TGFBR2: variants seen among roughly 807,000 people sequenced by gnomAD.
The protein encoded by TGFBR2 is transforming growth factor beta receptor 2, also known as TGF-beta receptor type-2.
Under a neutral mutation model 49.0 loss-of-function variants are expected in TGFBR2, and 18 were observed. The ratio of observed to expected loss-of-function variants is 0.37; its 90% CI spans 0.25 to 0.54. The LOEUF is 0.54. Ranked by LOEUF, TGFBR2 falls within the 20% of genes least tolerant of loss-of-function variation. The probability of loss-of-function intolerance (pLI) is 0.85; values close to 1 mark genes in which losing one functional copy is unlikely to be tolerated. For synonymous variants in TGFBR2, 282 were observed against 275.9 expected (o/e 1.02, Z -0.22); for missense variants, 525 against 722.6 (o/e 0.73, Z 3.13).
intron 2 of TGFBR2, among the ~76,000 whole-genome samples, chr3:30,647,484 C>A (rs1441166625): frequency 1.3e-5 from 2 of 152,026 alleles, no homozygotes; most frequent in Non-Finnish European, 2.9e-5. Context: ...GTAAAAATAG[C>A]CAGTGTGGAA....
chr3:30,688,632 G>A, intron 6 of TGFBR2, 121 bp downstream of exon 6: 1 of 1,398,908 alleles, frequency 7.1e-7, no homozygotes, highest in Non-Finnish European at 9.8e-7. Flanking sequence ...CTATGGCCCT[G>A]TTAAATTTTG....
chr3:30,690,878 T>C (rs1329673230), intron 6 of TGFBR2, among the ~76,000 whole-genome samples: 3 of 152,202 alleles, frequency 2.0e-5, no homozygotes, highest in South Asian at 2.1e-4. Context: ...ATGTAAACTA[T>C]GAATTTGATT....
intron 1 of TGFBR2, among the ~76,000 whole-genome samples, chr3:30,608,777 C>T (rs1456254720): frequency 2.6e-5 from 4 of 152,178 alleles, no homozygotes; most frequent in Non-Finnish European, 5.9e-5. Flanking sequence ...TCGTTCTTGG[C>T]GTTTTTCCTG....
chr3:30,658,471 GA>G (rs1342360337), intron 3 of TGFBR2, among the ~76,000 whole-genome samples: 5 of 152,050 alleles, frequency 3.3e-5, no homozygotes, highest in Admixed American at 2.6e-4. Flanking sequence ...TGCTAGCTTA[GA>G]AACCAGGACT....
intron 3 of TGFBR2, chr3:30,661,631 G>A: frequency 2.0e-6 from 1 of 511,222 alleles, no homozygotes; most frequent in Non-Finnish European, 3.9e-6. Flanking sequence ...AAGACCCCAG[G>A]GTTTAGAGGT....
At chr3:30,640,864 A>G (rs1698630475) in intron 1 of TGFBR2, among the ~76,000 whole-genome samples, 1 of 152,210 alleles carries the variant, frequency 6.6e-6, no homozygotes, top group Admixed American at 6.5e-5. Flanking sequence ...CGTTGTTTAG[A>G]GGAATATCTT....
chr3:30,649,104 T>C (rs1222991990), intron 2 of TGFBR2, among the ~76,000 whole-genome samples: 1 of 152,140 alleles, frequency 6.6e-6, no homozygotes, highest in East Asian at 1.9e-4. Flanking sequence ...ATGTGTGCAC[T>C]CAGAATCTTC....
intron 1 of TGFBR2, among the ~76,000 whole-genome samples, chr3:30,642,423 ATCC>A (rs1239125384): frequency 6.6e-6 from 1 of 152,188 alleles, no homozygotes; most frequent in East Asian, 1.9e-4. Context: ...GCTTCTAAAA[ATCC>A]TGATGCCTCA....
intron 1 of TGFBR2, among the ~76,000 whole-genome samples, chr3:30,634,508 G>A (rs13061018): frequency 6.6e-6 from 1 of 151,904 alleles, no homozygotes; most frequent in Non-Finnish European, 1.5e-5. Flanking sequence ...TCCCTCAAGG[G>A]TTTAAATATG....
chr3:30,614,920 G>C (rs1698103086), intron 1 of TGFBR2, among the ~76,000 whole-genome samples: 3 of 152,146 alleles, frequency 2.0e-5, no homozygotes, highest in Admixed American at 2.0e-4. Context: ...TAGAGGTTAA[G>C]AGAAATAATA....
At chr3:30,688,335 C>T in intron 5 of TGFBR2, 49 bp from the exon 6 acceptor site, 1 of 1,613,638 alleles carries the variant, frequency 6.2e-7, no homozygotes, top group Non-Finnish European at 8.5e-7. Flanking sequence ...TTTCCTTTGG[C>T]TGCACATGCC....
intron 1 of TGFBR2, among the ~76,000 whole-genome samples, chr3:30,626,187 G>A (rs1698328342): frequency 6.6e-6 from 1 of 152,166 alleles, no homozygotes; most frequent in Admixed American, 6.5e-5. Flanking sequence ...TCACCAGAGA[G>A]GTCAAAGTAC....
chr3:30,675,344 C>T (rs1170944803), intron 5 of TGFBR2, among the ~76,000 whole-genome samples: 1 of 151,902 alleles, frequency 6.6e-6, no homozygotes, highest in Non-Finnish European at 1.5e-5. Flanking sequence ...AATCTGTGCA[C>T]CCAAGTTCAT....
At chr3:30,651,862 G>A (rs545225010) in intron 3 of TGFBR2, among the ~76,000 whole-genome samples, 2 of 152,294 alleles carry the variant, frequency 1.3e-5, no homozygotes, top group Non-Finnish European at 2.9e-5. Context: ...TTTTACCAGC[G>A]TGGTAGTGTA....
At chr3:30,671,499 A>T in intron 3 of TGFBR2, 139 bp from the exon 4 acceptor site, 1 of 865,746 alleles carries the variant, frequency 1.2e-6, no homozygotes, top group Non-Finnish European at 1.8e-6. Flanking sequence ...TGCATCCCTG[A>T]AATAAAAATT....
At position 30,672,120 on chromosome 3, in the gene TGFBR2, C is replaced by T. The variant is rs55751315; in HGVS notation, c.937C>T (p.Arg313Trp). 24 of 1,614,050 alleles carry T rather than the reference C, an allele frequency of 1.5e-5. No individual in the cohort carries two copies. In the Admixed American group the frequency reaches 1.5e-4, roughly 10 times the overall value. The change falls in exon 4 of 7, where the codon CGG becomes TGG. Residue 313 changes from arginine (R) to tryptophan (W), a missense_variant. Transcript: ENST00000295754. The surrounding 1 kb of genome is among the most constrained non-coding windows in gnomAD (Gnocchi z 4.5). The part of the protein sequence containing the change: ...NILQFLTAEE[R>W]KTELGKQYWL... ...ACTCCAGTTCCTGACGGCTGAGGAG[C>T]GGAAGACGGAGTTGGGGAAACAATA...
At position 30,693,747 on chromosome 3, in the gene TGFBR2, GAT is replaced by G. The variant is rs1402800046; in HGVS notation, c.*2151_*2152del. 1 of 233,486 alleles carries G rather than the reference GAT, an allele frequency of 4.3e-6. No individual in the cohort carries two copies. The highest frequency in any genetic ancestry group is 8.5e-6 in the Non-Finnish European group (1 of 117,962). 14.5% of individuals were successfully genotyped at this position (233,486 alleles called of 1,614,324 possible). ...TTCTAGAATACTGGTCCATTCATGAGATATTCAAGATTCAAGAGTATTCTCAC... is the reference window on the plus strand; with the variant it reads ...TTCTAGAATACTGGTCCATTCATGAGATTCAAGATTCAAGAGTATTCTCAC... On this transcript the variant is annotated 3_prime_UTR_variant, in exon 7 of 7. Transcript: ENST00000295754.
chr3:30,619,958 C>T (rs1333291585), intron 1 of TGFBR2, among the ~76,000 whole-genome samples: 3 of 126,094 alleles, frequency 2.4e-5, no homozygotes, highest in Non-Finnish European at 3.7e-5. Context: ...GAGGCCGAGG[C>T]GGGCGGATCA....
chr3:30,668,970 T>G (rs1287470043), intron 3 of TGFBR2, among the ~76,000 whole-genome samples: 1 of 151,948 alleles, frequency 6.6e-6, no homozygotes, highest in Non-Finnish European at 1.5e-5. Context: ...TCTCACTGTT[T>G]CGTTAGATGA....
Sources: gnomAD v4.1 joint callset for allele counts (sites outside exome capture counted in the v4.1 genomes callset) on GRCh38, gnomAD v4.1.1 for gene constraint, Gnocchi (gnomAD v3.1) non-coding constraint, MANE v1.5 for transcripts, NCBI Gene and HGNC (gene_info 2026-07-23, HGNC 2026-07-21) for gene names.